DNMBP: variants seen among roughly 807,000 people sequenced by gnomAD.
DNMBP encodes the protein dynamin binding protein.
Under a neutral mutation model 150.0 loss-of-function variants are expected in DNMBP, and 87 were observed. The observed-to-expected ratio is 0.58, with a 90% CI of 0.49 to 0.69. DNMBP has a LOEUF of 0.69. Ranked by LOEUF, DNMBP falls within the 30% of genes least tolerant of loss-of-function variation. The pLI is 0.00. For missense variants in DNMBP, 1,774 were observed against 1,949.0 expected (o/e 0.91, Z 1.69); for synonymous variants, 711 against 750.4 (o/e 0.95, Z 0.86).
intron 11 of DNMBP, 127 bp from the exon 12 acceptor site, chr10:99,889,080 G>T: frequency 9.2e-7 from 1 of 1,081,780 alleles, no homozygotes; most frequent in Non-Finnish European, 1.3e-6. Flanking sequence ...TAACTAGTCT[G>T]GTATTTTAGC....
At position 99,877,143 on chromosome 10, in the gene DNMBP, A is replaced by C; in HGVS notation, c.*8T>G. ...AGGCAGCAAGGCTGGGTGGCAGGCA[A>C]CGTGGGCTCAGGTGTACTCGGTTTT... On this transcript the variant is annotated 3_prime_UTR_variant, in exon 17 of 17. Transcript: ENST00000324109. 1 of 1,599,572 alleles carries C rather than the reference A, an allele frequency of 6.3e-7. No homozygotes were observed. Among genetic ancestry groups the C allele is most frequent in the Non-Finnish European group, 8.5e-7 (1 of 1,172,738 alleles).
intron 1 of DNMBP, among the ~76,000 whole-genome samples, chr10:100,009,513 C>T (rs2041109852): frequency 6.6e-6 from 1 of 152,234 alleles, no homozygotes; most frequent in Admixed American, 6.5e-5. Context: ...GCCTCATTGC[C>T]GGAGTGGCAG....
Position 99,880,186 on chromosome 10 carries a change from A to G in DNMBP, c.4173T>C (p.Ala1391=), listed in dbSNP as rs1376605023. 6.2e-7 allele frequency: 1 copy of G among 1,614,216 alleles called. No homozygotes were observed. The highest frequency in any genetic ancestry group is 8.5e-7 in the Non-Finnish European group (1 of 1,180,050). The change falls in exon 16 of 17, where the codon GCT becomes GCC. Residue 1391 remains alanine, a synonymous_variant. Coordinates refer to ENST00000324109, the MANE Select transcript of DNMBP (RefSeq NM_015221.4). ...STLTFNPSSM[A]VSFTSGSCQK... is the part of the protein sequence containing the mutation. The stretch of plus-strand genomic sequence containing the variant: ...GGCAAGACCCCGAGGTAAAGGATAC[A>G]GCCATGCTGCTGGGGTTGAAGGTCA...
At chr10:99,930,441 T>G in intron 4 of DNMBP, 1 of 703,044 alleles carries the variant, frequency 1.4e-6, no homozygotes, top group Non-Finnish European at 2.6e-6. Context: ...GAGACTCTCA[T>G]AATCTACATT....
intron 10 of DNMBP, 112 bp from the exon 11 acceptor site, chr10:99,895,162 TGTC>T: frequency 3.2e-6 from 2 of 633,376 alleles, no homozygotes; most frequent in Non-Finnish European, 5.4e-6. Context: ...GTTTTGCTCT[TGTC>T]GTCCAGGTTG....
At chr10:99,885,634 G>A (rs1228034453) in intron 14 of DNMBP, 53 bp downstream of exon 14, 4 of 1,485,422 alleles carry the variant, frequency 2.7e-6, no homozygotes, top group Non-Finnish European at 3.6e-6. Flanking sequence ...CTGGCTGCAG[G>A]GTTCCCCCTC....
intron 11 of DNMBP, among the ~76,000 whole-genome samples, chr10:99,890,294 G>A (rs979532952): frequency 1.3e-5 from 2 of 152,142 alleles, no homozygotes; most frequent in Non-Finnish European, 2.9e-5. Context: ...CTCAGCTTAT[G>A]TTCTTGCTGG....
intron 4 of DNMBP, chr10:99,929,554 A>G (rs1454453132): frequency 8.2e-6 from 5 of 609,280 alleles, no homozygotes; most frequent in Non-Finnish European, 1.5e-5. Flanking sequence ...TGGTATAACT[A>G]CCCTTTAAAT....
chr10:99,896,566 CAG>C (rs767869045), intron 9 of DNMBP, 169 bp from the exon 10 acceptor site: 1 of 660,356 alleles, frequency 1.5e-6, no homozygotes, highest in East Asian at 3.0e-5. Flanking sequence ...TGAAGCACAG[CAG>C]AGAGACAATG....
chr10:99,898,395 A>C, intron 8 of DNMBP, 110 bp from the exon 9 acceptor site: 6 of 797,330 alleles, frequency 7.5e-6, no homozygotes, highest in Non-Finnish European at 1.3e-5. Flanking sequence ...CATAATAATA[A>C]TGTACACCTA....
chr10:99,953,977 C>T (rs1287346288), intron 4 of DNMBP, among the ~76,000 whole-genome samples: 1 of 151,966 alleles, frequency 6.6e-6, no homozygotes, highest in Admixed American at 6.6e-5. Flanking sequence ...GCTATGGATG[C>T]CATAGCAGAA....
intron 3 of DNMBP, among the ~76,000 whole-genome samples, chr10:99,960,724 T>A (rs1229463604): frequency 4.6e-5 from 7 of 152,102 alleles, no homozygotes; most frequent in Non-Finnish European, 8.8e-5. Flanking sequence ...AAAAATGGCT[T>A]GAACCTGGGA....
At chr10:99,921,948 T>C (rs12251303) in intron 4 of DNMBP, among the ~76,000 whole-genome samples, 12,253 of 150,616 alleles carry the variant, frequency 0.081, 897 homozygotes, top group African/African-American at 0.19. Context: ...ATGATTGTGA[T>C]GTTTTGGATT....
At chr10:99,880,428 T>G in intron 15 of DNMBP, 67 bp from the exon 16 acceptor site, 1 of 1,447,306 alleles carries the variant, frequency 6.9e-7, no homozygotes, top group South Asian at 1.5e-5. Context: ...GAGGGAGCAT[T>G]GAGAGAAAAA....
intron 1 of DNMBP, among the ~76,000 whole-genome samples, chr10:99,983,734 C>G (rs1564753962): frequency 1.3e-5 from 2 of 152,308 alleles, no homozygotes; most frequent in South Asian, 2.1e-4. Context: ...AAACCCTGCG[C>G]TGGCTTAGGT....
chr10:99,880,371 A>C lies in DNMBP; in HGVS notation c.3998-10T>G, dbSNP rs778750465. ...ACGAAGCCTTTGGTGACTACAAAGG[A>C]AACAGGAAATATAAACAAGAACTCT... On this transcript the variant is annotated splice_polypyrimidine_tract_variant and intron_variant, in intron 15 of 16. Coordinates refer to ENST00000324109, the MANE Select transcript of DNMBP (RefSeq NM_015221.4). 6.4e-7 allele frequency: 1 copy of C among 1,555,000 alleles called. No individual in the cohort carries two copies. The highest frequency in any genetic ancestry group is 2.3e-5 in the East Asian group (1 of 44,254).
At chr10:99,968,765 C>A (rs1425371861) in intron 3 of DNMBP, among the ~76,000 whole-genome samples, 1 of 151,814 alleles carries the variant, frequency 6.6e-6, no homozygotes, top group Admixed American at 6.6e-5. Context: ...AAAGATAACA[C>A]TGGACTTAGA....
rs971605703 is a variant in DNMBP at position 99,898,791 on chromosome 10, GAC to G, written c.2703-33_2703-32del. The G allele has an allele frequency of 2.5e-6, 4 of 1,605,080 alleles. No individual in the cohort carries two copies. In the African/African-American group the frequency reaches 4.0e-5, roughly 16 times the overall value. On this transcript the variant is annotated intron_variant, in intron 7 of 16. Transcript: ENST00000324109. ...AGGCAGTGGGCATGAAAAGAAAAGAGACAGTTTATTAGAGAGAGAATCTTGAG... is the reference window on the plus strand; with the variant it reads ...AGGCAGTGGGCATGAAAAGAAAAGAGAGTTTATTAGAGAGAGAATCTTGAG...
intron 15 of DNMBP, 133 bp downstream of exon 15, chr10:99,883,877 AT>A: frequency 1.3e-6 from 1 of 749,476 alleles, no homozygotes; most frequent in Non-Finnish European, 2.1e-6. Flanking sequence ...GGTTAAGGTT[AT>A]TTTTCAGGTT....
Sources: gnomAD v4.1 joint callset for allele counts (sites outside exome capture counted in the v4.1 genomes callset) on GRCh38, gnomAD v4.1.1 for gene constraint, MANE v1.5 for transcripts, NCBI Gene and HGNC (gene_info 2026-07-23, HGNC 2026-07-21) for gene names.